CDH8: variants seen among roughly 807,000 people sequenced by gnomAD.
CDH8 encodes cadherin 8, also known as cadherin-8.
A neutral mutation model predicts 68.1 loss-of-function variants in CDH8; 17 were observed. The ratio of observed to expected loss-of-function variants is 0.25; its 90% CI spans 0.17 to 0.37. The LOEUF (loss-of-function observed/expected upper bound fraction) is 0.37. Among genes scored for constraint, CDH8 ranks in the 10% least tolerant of loss-of-function variants. The pLI is 1.00. For missense variants in CDH8, 763 were observed against 999.3 expected, an observed-to-expected ratio of 0.76 and a Z score of 3.19; for synonymous variants, 372 against 365.1, an observed-to-expected ratio of 1.02 and a Z score of -0.21.
intron 2 of CDH8, among the ~76,000 whole-genome samples, chr16:61,966,451 T>C (rs1252998728): frequency 6.6e-6 from 1 of 151,884 alleles, no homozygotes; most frequent in Admixed American, 6.6e-5. Context: ...GGCAGGAGAA[T>C]TGCTTGAACC....
In CDH8 at chr16:62,021,618, G is replaced by A; in HGVS notation, c.-199-16C>T. The A allele has an allele frequency of 1.5e-6, 2 of 1,322,554 alleles. No homozygotes were observed. The highest frequency in any genetic ancestry group is 3.5e-5 in the Admixed American group (1 of 28,326). The allele number at this position is 1,322,554 out of a possible 1,614,324, so 81.9% of individuals were successfully genotyped here. Reference sequence around the variant, plus strand: ...TTGAAATTTCCTGCAAAAACAAGGAGGAAGAAAGATAAGGGTCTACTCAAA... The same window carrying A: ...TTGAAATTTCCTGCAAAAACAAGGAAGAAGAAAGATAAGGGTCTACTCAAA... On this transcript the variant is annotated splice_polypyrimidine_tract_variant and intron_variant, in intron 1 of 11. Transcript: ENST00000577390.
At chr16:61,731,776 A>G (rs895551115) in intron 8 of CDH8, among the ~76,000 whole-genome samples, 1 of 151,858 alleles carries the variant, frequency 6.6e-6, no homozygotes, top group Non-Finnish European at 1.5e-5. Context: ...AATCAGGCAA[A>G]AGAAATCATA....
chr16:61,709,696 C>A (rs745308808), intron 10 of CDH8, among the ~76,000 whole-genome samples: 2 of 151,628 alleles, frequency 1.3e-5, no homozygotes, highest in Non-Finnish European at 2.9e-5. Context: ...TGTGGAGAAA[C>A]CTGAGTTTCG....
At chr16:61,918,445 T>C (rs949891332) in intron 2 of CDH8, 6 of 153,526 alleles carry the variant, frequency 3.9e-5, no homozygotes, top group Admixed American at 1.3e-4. Context: ...TGGGCGCAGG[T>C]CAGTGGGTGC....
intron 8 of CDH8, among the ~76,000 whole-genome samples, chr16:61,730,455 T>TTA (rs1959503953): frequency 6.6e-6 from 1 of 151,516 alleles, no homozygotes; most frequent in Non-Finnish European, 1.5e-5. Flanking sequence ...GACTAATGTT[T>TTA]TAGTATAATG....
chr16:61,800,115 G>A (rs1961587011), intron 7 of CDH8, among the ~76,000 whole-genome samples: 1 of 152,094 alleles, frequency 6.6e-6, no homozygotes, highest in Non-Finnish European at 1.5e-5. Flanking sequence ...TCACCATGTT[G>A]CCTAGGCTGG....
Position 61,991,954 on chromosome 16 carries a change from T to G in CDH8, c.252+29198A>C, listed in dbSNP as rs1245877744. 2.0e-5 allele frequency among the ~76,000 whole-genome samples: 3 copies of G among 152,222 alleles called. No individual in the cohort carries two copies. In the East Asian group the frequency reaches 5.8e-4, roughly 30 times the overall value. The stretch of plus-strand genomic sequence containing the variant: ...TGCTCTGATCAGACAGCGGGGGATT[T>G]AACACGTTGTTGTTGTTGTTTAACT... On this transcript the variant is annotated intron_variant, in intron 2 of 11. Transcript: ENST00000577390.
intron 10 of CDH8, among the ~76,000 whole-genome samples, chr16:61,685,646 T>C (rs1197019276): frequency 6.6e-6 from 1 of 152,010 alleles, no homozygotes; most frequent in Non-Finnish European, 1.5e-5. Flanking sequence ...TGAGAAGACA[T>C]AGGGTATGCA....
In CDH8 at chr16:61,652,838, A is replaced by G. The variant is rs1963352119; in HGVS notation, c.*770T>C. ...TCTCTTATGTAGTCCACTGTGTGAT[A>G]CAGTTTATCTTTGTGTCCTTGTGGA... On this transcript the variant is annotated 3_prime_UTR_variant, in exon 12 of 12. Transcript: ENST00000577390. 3 of 1,520,070 alleles carry G rather than the reference A, an allele frequency of 2.0e-6. No individual in the cohort carries two copies. The highest frequency in any genetic ancestry group is 2.6e-6 in the Non-Finnish European group (3 of 1,139,012). The allele number at this position is 1,520,070 out of a possible 1,614,324, so 94.2% of individuals were successfully genotyped here. A position where few individuals can be genotyped will look rare whatever the true frequency, so the allele number is the denominator to read the frequency against.
chr16:61,784,434 A>G (rs879528808), intron 8 of CDH8, among the ~76,000 whole-genome samples: 2 of 150,556 alleles, frequency 1.3e-5, no homozygotes, highest in Non-Finnish European at 3.0e-5. Context: ...AAGATTCATG[A>G]AGCAAGTCCT....
At chr16:61,750,887 A>C (rs1383142183) in intron 8 of CDH8, among the ~76,000 whole-genome samples, 1 of 152,132 alleles carries the variant, frequency 6.6e-6, no homozygotes, top group African/African-American at 2.4e-5. Context: ...TTTCTTGCAC[A>C]TAAACCCTCA....
chr16:61,758,753 C>A (rs1567456854), intron 8 of CDH8, among the ~76,000 whole-genome samples: 1 of 152,074 alleles, frequency 6.6e-6, no homozygotes, highest in East Asian at 1.9e-4. Context: ...AAAAATAATT[C>A]TCAAATTAAG....
chr16:62,035,850 G>A (rs552786192), intron 1 of CDH8, among the ~76,000 whole-genome samples: 33 of 152,314 alleles, frequency 2.2e-4, no homozygotes, highest in Non-Finnish European at 4.1e-4. Context: ...TGTCAAAGCA[G>A]TTTGCAAAAA....
At chr16:61,975,570 T>G (rs1965420795) in intron 2 of CDH8, among the ~76,000 whole-genome samples, 1 of 152,268 alleles carries the variant, frequency 6.6e-6, no homozygotes, top group Non-Finnish European at 1.5e-5. Flanking sequence ...AATGATTAAA[T>G]AGCAGGAATA....
intron 8 of CDH8, among the ~76,000 whole-genome samples, chr16:61,763,283 C>T (rs1960512099): frequency 6.6e-6 from 1 of 152,142 alleles, no homozygotes; most frequent in South Asian, 2.1e-4. Flanking sequence ...ACACACGTGC[C>T]AGGGTCAGAA....
chr16:62,027,106 C>T (rs1006724307), intron 1 of CDH8, among the ~76,000 whole-genome samples: 2 of 152,160 alleles, frequency 1.3e-5, no homozygotes, highest in African/African-American at 4.8e-5. Flanking sequence ...CATTGATTTA[C>T]ACTCAGATAG....
At chr16:61,739,884 C>CATACATATATATATAT (rs1959811882) in intron 8 of CDH8, among the ~76,000 whole-genome samples, 1 of 101,476 alleles carries the variant, frequency 9.9e-6, no homozygotes, top group Non-Finnish European at 1.9e-5. Context: ...CAACATATTC[C>CATACATATATATATAT]ATATATATAT....
At chr16:61,694,618 A>G (rs1285333447) in intron 10 of CDH8, among the ~76,000 whole-genome samples, 1 of 152,074 alleles carries the variant, frequency 6.6e-6, no homozygotes. Flanking sequence ...GGGGTAAGAT[A>G]GGGTGATGGG....
chr16:61,753,737 T>C (rs2142953135), intron 8 of CDH8, among the ~76,000 whole-genome samples: 1 of 152,312 alleles, frequency 6.6e-6, no homozygotes. Flanking sequence ...TACTACACTT[T>C]ATAATCCAAA....
Sources: gnomAD v4.1 joint callset for allele counts (sites outside exome capture counted in the v4.1 genomes callset) on GRCh38, gnomAD v4.1.1 for gene constraint, MANE v1.5 for transcripts, NCBI Gene and HGNC (gene_info 2026-07-23, HGNC 2026-07-21) for gene names.